FBXL7: variants seen among roughly 807,000 people sequenced by gnomAD.
FBXL7 encodes F-box/LRR-repeat protein 7.
FBXL7 carries 12 observed loss-of-function variants against 38.3 expected under a neutral mutation model. The observed-to-expected ratio is 0.31, with a 90% confidence interval of 0.20 to 0.51. The LOEUF is 0.51. Among genes scored for constraint, FBXL7 ranks in the 20% least tolerant of loss-of-function variants. The probability of loss-of-function intolerance (pLI) is 0.98; values close to 1 mark genes in which losing one functional copy is unlikely to be tolerated. For missense variants in FBXL7, 567 were observed against 676.4 expected (o/e 0.84, Z 1.79); for synonymous variants, 297 against 300.9 (o/e 0.99, Z 0.13).
At chr5:15,525,656 A>G (rs1016873857) in intron 1 of FBXL7, among the ~76,000 whole-genome samples, 11 of 152,188 alleles carry the variant, frequency 7.2e-5, no homozygotes, top group African/African-American at 2.4e-4. Flanking sequence ...CCATACATAC[A>G]TATACACACA....
chr5:15,637,109 C>G (rs1222142757), intron 2 of FBXL7, among the ~76,000 whole-genome samples: 1 of 152,096 alleles, frequency 6.6e-6, no homozygotes, highest in African/African-American at 2.4e-5. Flanking sequence ...TTCAGACATT[C>G]TTTGCTCATG....
At chr5:15,621,831 A>G (rs1273023363) in intron 2 of FBXL7, among the ~76,000 whole-genome samples, 3 of 152,234 alleles carry the variant, frequency 2.0e-5, no homozygotes, top group Non-Finnish European at 4.4e-5. Context: ...TGGTTATCAA[A>G]CCAGACAACA....
intron 2 of FBXL7, among the ~76,000 whole-genome samples, chr5:15,753,099 C>CCT (rs1736196919): frequency 2.0e-5 from 3 of 152,112 alleles, no homozygotes; most frequent in Admixed American, 6.5e-5. Flanking sequence ...ACTCCTCTTG[C>CCT]AGGGAGGGCT....
chr5:15,781,126 C>G (rs1166471953), intron 2 of FBXL7, among the ~76,000 whole-genome samples: 1 of 152,096 alleles, frequency 6.6e-6, no homozygotes, highest in Non-Finnish European at 1.5e-5. Flanking sequence ...AGGAAGAAGA[C>G]AGAGGACATG....
In FBXL7 at chr5:15,866,554, A is replaced by G. The variant is rs533057809; in HGVS notation, c.128-61336A>G. ...CCATTACTTTTTTTTTATTTCTTCT[A>G]AAAAAAAATGGGATACATGTGCAGA... On this transcript the variant is annotated intron_variant, in intron 2 of 3. Coordinates refer to ENST00000504595, the MANE Select transcript of FBXL7 (RefSeq NM_012304.5). Among the ~76,000 whole-genome samples the G allele has an allele frequency of 2.0e-5, 3 of 150,222 alleles. No individual in the cohort carries two copies. The East Asian group carries it at 5.9e-4, about 29-fold the overall frequency.
At chr5:15,635,535 A>T (rs1255629042) in intron 2 of FBXL7, among the ~76,000 whole-genome samples, 1 of 152,134 alleles carries the variant, frequency 6.6e-6, no homozygotes, top group Non-Finnish European at 1.5e-5. Flanking sequence ...ATGAAAGCTG[A>T]TGTATTTCAG....
chr5:15,773,963 A>C (rs116543684), intron 2 of FBXL7, among the ~76,000 whole-genome samples: 1 of 152,050 alleles, frequency 6.6e-6, no homozygotes, highest in Non-Finnish European at 1.5e-5. Flanking sequence ...TCTTTTGCAC[A>C]TGGATCCTAT....
intron 2 of FBXL7, among the ~76,000 whole-genome samples, chr5:15,768,012 CATA>C (rs1168696144): frequency 3.9e-5 from 6 of 152,134 alleles, no homozygotes; most frequent in African/African-American, 1.4e-4. Flanking sequence ...TCTTCAACTT[CATA>C]ATAATAGTAT....
chr5:15,594,287 T>C (rs1466275422), intron 1 of FBXL7, among the ~76,000 whole-genome samples: 1 of 152,188 alleles, frequency 6.6e-6, no homozygotes, highest in East Asian at 1.9e-4. Flanking sequence ...GGCGGACATA[T>C]GGTGGGTCAG....
chr5:15,542,147 G>A lies in FBXL7; in HGVS notation c.37+41434G>A, dbSNP rs889860842. Among the ~76,000 whole-genome samples, 11 of 151,828 alleles carry A rather than the reference G, an allele frequency of 7.2e-5. 1 individual carries two copies. The South Asian group carries it at 8.3e-4, about 11-fold the overall frequency. The stretch of plus-strand genomic sequence containing the variant: ...TATATTTGAGTCAGAAACCAGAATC[G>A]ATGCATTATTACACTTTATACCGTG... On this transcript the variant is annotated intron_variant, in intron 1 of 3. Transcript: ENST00000504595.
intron 1 of FBXL7, among the ~76,000 whole-genome samples, chr5:15,549,323 A>G (rs1187634230): frequency 2.6e-5 from 4 of 152,198 alleles, no homozygotes; most frequent in Non-Finnish European, 5.9e-5. Flanking sequence ...AGAAAAGTAT[A>G]TCTTGGAGAA....
intron 2 of FBXL7, among the ~76,000 whole-genome samples, chr5:15,724,700 A>G (rs1384745709): frequency 1.3e-5 from 2 of 152,220 alleles, no homozygotes; most frequent in African/African-American, 4.8e-5. Flanking sequence ...AAAGTATGCT[A>G]ACATTTAAAC....
At chr5:15,612,279 A>G (rs765360480) in intron 1 of FBXL7, among the ~76,000 whole-genome samples, 1 of 152,206 alleles carries the variant, frequency 6.6e-6, no homozygotes, top group Non-Finnish European at 1.5e-5. Flanking sequence ...AAAATGATTG[A>G]GAAATACTGT....
At chr5:15,556,999 G>A (rs1002425345) in intron 1 of FBXL7, among the ~76,000 whole-genome samples, 11 of 152,226 alleles carry the variant, frequency 7.2e-5, no homozygotes, top group South Asian at 2.1e-4. Flanking sequence ...GTGCGGTGGC[G>A]CGATCTCGGC....
chr5:15,692,436 A>G (rs1579382246), intron 2 of FBXL7, among the ~76,000 whole-genome samples: 2 of 152,082 alleles, frequency 1.3e-5, no homozygotes, highest in South Asian at 2.1e-4. Context: ...CCCATTCTGT[A>G]TCTCCCTCTG....
At chr5:15,744,169 C>T (rs754337657) in intron 2 of FBXL7, among the ~76,000 whole-genome samples, 1 of 152,226 alleles carries the variant, frequency 6.6e-6, no homozygotes, top group Non-Finnish European at 1.5e-5. Flanking sequence ...CTGAAGCCAG[C>T]TTAAATTTCT....
At chr5:15,739,905 T>C (rs1277131238) in intron 2 of FBXL7, among the ~76,000 whole-genome samples, 1 of 152,194 alleles carries the variant, frequency 6.6e-6, no homozygotes, top group East Asian at 1.9e-4. Context: ...GAGTGGAATA[T>C]ACCTAGGAGT....
At chr5:15,623,381 G>C (rs570504559) in intron 2 of FBXL7, among the ~76,000 whole-genome samples, 21 of 152,316 alleles carry the variant, frequency 1.4e-4, no homozygotes, top group African/African-American at 4.8e-4. Flanking sequence ...GCGATATTGT[G>C]TAAGTCCTTG....
intron 2 of FBXL7, among the ~76,000 whole-genome samples, chr5:15,744,308 G>A (rs764054713): frequency 6.6e-5 from 10 of 151,546 alleles, no homozygotes; most frequent in Non-Finnish European, 1.2e-4. Context: ...TAAATCATCT[G>A]TCTCAAGTTC....
Sources: allele counts gnomAD v4.1 joint callset (sites outside exome capture counted in the v4.1 genomes callset), GRCh38; gene constraint gnomAD v4.1.1; transcripts MANE v1.5; gene names NCBI Gene and HGNC (gene_info 2026-07-23, HGNC 2026-07-21).